Variants in PDE1C observed in about 807,000 individuals in gnomAD.
PDE1C encodes the protein dual specificity calcium/calmodulin-dependent 3',5'-cyclic nucleotide phosphodiesterase 1C.
In PDE1C, 62 loss-of-function variants were observed where a neutral mutation model predicts 93.1. The ratio of observed to expected loss-of-function variants is 0.67; its 90% CI spans 0.54 to 0.82. The LOEUF is 0.82. Ranked by LOEUF, PDE1C falls within the 40% of genes least tolerant of loss-of-function variation. The pLI, the probability that PDE1C is intolerant of heterozygous loss-of-function variation, is 0.00. For synonymous variants in PDE1C, 325 were observed against 310.1 expected (o/e 1.05, Z -0.50); for missense variants, 742 against 884.6 (o/e 0.84, Z 2.04).
chr7:32,037,304 T>C (rs1421473074), intron 2 of PDE1C, among the ~76,000 whole-genome samples: 1 of 152,132 alleles, frequency 6.6e-6, no homozygotes, highest in East Asian at 1.9e-4. Flanking sequence ...TTCTGTCTTT[T>C]GCTTGCAGCC....
intron 1 of PDE1C, among the ~76,000 whole-genome samples, chr7:32,405,318 C>T (rs2128096543): frequency 6.8e-6 from 1 of 148,072 alleles, no homozygotes; most frequent in East Asian, 2.0e-4. Context: ...ATGGCACAAT[C>T]TTGGTTTACC....
chr7:31,659,466 AC>A, the PDE1C span, among the ~76,000 whole-genome samples: 1 of 151,750 alleles, frequency 6.6e-6, no homozygotes, highest in African/African-American at 2.4e-5. Context: ...AACTCCACCA[AC>A]CTCTCTGCTT....
At chr7:32,175,906 A>G (rs1433879345) in intron 2 of PDE1C, among the ~76,000 whole-genome samples, 1 of 152,226 alleles carries the variant, frequency 6.6e-6, no homozygotes, top group Non-Finnish European at 1.5e-5. Flanking sequence ...GCAATTAATT[A>G]TGGCCCTGTA....
Position 32,200,041 on chromosome 7 carries a change from C to T in PDE1C, c.136+9448G>A, listed in dbSNP as rs78036300. Among the ~76,000 whole-genome samples, 392 of 152,284 alleles carry T rather than the reference C, an allele frequency of 2.6e-3. 2 individuals carry two copies. The highest frequency in any genetic ancestry group is 4.6e-3 in the South Asian group (22 of 4,824). Reference sequence around the variant, plus strand: ...GTCCCATCCCCAAGATATCCCATTACGCATACACAAATATTCCAAAGTCAG... The same window carrying T: ...GTCCCATCCCCAAGATATCCCATTATGCATACACAAATATTCCAAAGTCAG... On this transcript the variant is annotated intron_variant, in intron 2 of 18. Coordinates refer to the PDE1C transcript ENST00000396193.
At chr7:31,643,487 G>T in the PDE1C span, 1 of 1,614,006 alleles carries the variant, frequency 6.2e-7, no homozygotes, top group East Asian at 2.2e-5. Flanking sequence ...GGCAGCTCCA[G>T]GTCTGTAATG....
At chr7:32,415,122 G>A (rs1785247518) in intron 1 of PDE1C, among the ~76,000 whole-genome samples, 2 of 152,128 alleles carry the variant, frequency 1.3e-5, no homozygotes, top group South Asian at 4.2e-4. Context: ...TTCGAGATCA[G>A]CCTGGGCAAC....
chr7:31,925,093 A>G (rs939129862), intron 2 of PDE1C, among the ~76,000 whole-genome samples: 28 of 112,862 alleles, frequency 2.5e-4, no homozygotes, highest in South Asian at 1.5e-3. Context: ...GTGTGTGTGC[A>G]TGCGCATGAG....
intron 3 of PDE1C, among the ~76,000 whole-genome samples, chr7:32,082,015 A>T (rs2128737131): frequency 6.6e-6 from 1 of 152,334 alleles, no homozygotes. Flanking sequence ...TGGGTGCAGG[A>T]CAGTGGGTGC....
At chr7:31,804,383 C>T (rs946373097) in intron 16 of PDE1C, among the ~76,000 whole-genome samples, 1 of 151,754 alleles carries the variant, frequency 6.6e-6, no homozygotes, top group African/African-American at 2.4e-5. Flanking sequence ...GGACTGTTCC[C>T]TCTAATCCTC....
At chr7:31,716,389 G>C in the PDE1C span, among the ~76,000 whole-genome samples, 1 of 152,178 alleles carries the variant, frequency 6.6e-6, no homozygotes, top group African/African-American at 2.4e-5. Context: ...TGCAGAGAGA[G>C]GGAGGGTCAG....
At chr7:31,959,231 G>A (rs1372387859) in intron 2 of PDE1C, among the ~76,000 whole-genome samples, 1 of 151,524 alleles carries the variant, frequency 6.6e-6, no homozygotes, top group Non-Finnish European at 1.5e-5. Flanking sequence ...TGTTTTTTGA[G>A]ACACAGTCTC....
intron 1 of PDE1C, among the ~76,000 whole-genome samples, chr7:32,278,379 C>T (rs1585068171): frequency 6.6e-6 from 1 of 152,178 alleles, no homozygotes; most frequent in African/African-American, 2.4e-5. Flanking sequence ...TCAAGGAGAA[C>T]TCAGAATAAA....
rs73304654 is a variant in PDE1C at position 32,205,636 on chromosome 7, C to T, written c.136+3853G>A. Reference sequence around the variant, plus strand: ...CCAACCCGTTTGGGTCTGCTTGTGCCCTGCAGAAGCTTTGTTCCTTCCCCC... The same window carrying T: ...CCAACCCGTTTGGGTCTGCTTGTGCTCTGCAGAAGCTTTGTTCCTTCCCCC... On this transcript the variant is annotated intron_variant, in intron 2 of 18. Coordinates refer to the PDE1C transcript ENST00000396193. Among the ~76,000 whole-genome samples the T allele has an allele frequency of 2.2e-3, 339 of 152,232 alleles. 2 individuals carry two copies. Among genetic ancestry groups the T allele is most frequent in the African/African-American group, 7.8e-3 (325 of 41,514 alleles).
intron 1 of PDE1C, among the ~76,000 whole-genome samples, chr7:32,051,792 T>G (rs140503328): frequency 1.4e-3 from 207 of 152,204 alleles, no homozygotes; most frequent in Non-Finnish European, 2.4e-3. Flanking sequence ...TAGTAAAAAA[T>G]AGCATCCCAA....
intron 7 of PDE1C, 158 bp from the exon 8 acceptor site, chr7:31,850,899 G>A (rs764555178): frequency 8.1e-6 from 5 of 616,896 alleles, no homozygotes; most frequent in African/African-American, 1.8e-5. Context: ...ATTTTCCTGT[G>A]AAGAGACTTG....
At chr7:32,395,867 T>TA (rs201403535) in intron 1 of PDE1C, among the ~76,000 whole-genome samples, 1 of 28,036 alleles carries the variant, frequency 3.6e-5, no homozygotes, top group African/African-American at 4.7e-5. Flanking sequence ...TGAACAATTC[T>TA]AAAAAAAATA....
At chr7:31,878,560 A>G (rs558775566) in intron 4 of PDE1C, among the ~76,000 whole-genome samples, 2 of 152,318 alleles carry the variant, frequency 1.3e-5, no homozygotes, top group East Asian at 3.9e-4. Flanking sequence ...AAGGAGGTCA[A>G]TTTGATTTCA....
At chr7:31,827,356 T>C (rs1789817193) in intron 12 of PDE1C, among the ~76,000 whole-genome samples, 1 of 152,170 alleles carries the variant, frequency 6.6e-6, no homozygotes, top group Non-Finnish European at 1.5e-5. Flanking sequence ...TCAAATATTA[T>C]CCCTTAATAA....
intron 3 of PDE1C, among the ~76,000 whole-genome samples, chr7:32,131,404 G>A (rs1193379459): frequency 1.3e-5 from 2 of 152,104 alleles, no homozygotes; most frequent in Non-Finnish European, 2.9e-5. Flanking sequence ...TCTCAGTAAT[G>A]ATTTATTTGT....
Sources: allele counts gnomAD v4.1 joint callset (sites outside exome capture counted in the v4.1 genomes callset), GRCh38; gene constraint gnomAD v4.1.1; transcripts MANE v1.5; gene names NCBI Gene and HGNC (gene_info 2026-07-23, HGNC 2026-07-21).